Variants in ZBTB16 observed in about 807,000 individuals in gnomAD.
ZBTB16 encodes the protein zinc finger and BTB domain containing 16.
A neutral mutation model predicts 56.8 loss-of-function variants in ZBTB16; 8 were observed. That is an observed-to-expected ratio of 0.14 (90% CI 0.08 to 0.25). The LOEUF (loss-of-function observed/expected upper bound fraction) is 0.25. Among genes scored for constraint, ZBTB16 ranks in the 10% least tolerant of loss-of-function variants. The probability of loss-of-function intolerance (pLI) is 1.00; values close to 1 mark genes in which losing one functional copy is unlikely to be tolerated. For missense variants in ZBTB16, 625 were observed against 903.0 expected, an observed-to-expected ratio of 0.69 and a Z score of 3.95; for synonymous variants, 363 against 368.5, an observed-to-expected ratio of 0.98 and a Z score of 0.17.
intron 3 of ZBTB16, among the ~76,000 whole-genome samples, chr11:114,183,414 A>G (rs892593061): frequency 6.6e-6 from 1 of 151,962 alleles, no homozygotes; most frequent in Non-Finnish European, 1.5e-5. Flanking sequence ...CCGGCCCTTT[A>G]TTTCCTACCT....
chr11:114,128,534 C>T (rs1023728568), intron 2 of ZBTB16, among the ~76,000 whole-genome samples: 1 of 152,140 alleles, frequency 6.6e-6, no homozygotes, highest in Non-Finnish European at 1.5e-5. Flanking sequence ...CGGGTAAAAA[C>T]TGCGACTAGC....
Position 114,156,403 on chromosome 11 carries a change from G to C in ZBTB16, c.1335G>C (p.Leu445Phe). 2 of 1,614,234 alleles carry C rather than the reference G, an allele frequency of 1.2e-6. No homozygotes were observed. The highest frequency in any genetic ancestry group is 1.7e-6 in the Non-Finnish European group (2 of 1,180,034). The change falls in exon 3 of 7, where the codon TTG becomes TTC. Residue 445 changes from leucine (L) to phenylalanine (F), a missense_variant. Leu to Phe is a conservative substitution (Grantham distance 22). Transcript: ENST00000335953. The part of the protein sequence containing the change: ...ELCGKRFLDS[L>F]RLRMHLLAHS... ...GCGGGAAGCGGTTCCTGGATAGTTTGCGGCTGAGAATGCACTTACTGGCTC... is the reference window on the plus strand; with the variant it reads ...GCGGGAAGCGGTTCCTGGATAGTTTCCGGCTGAGAATGCACTTACTGGCTC...
At chr11:114,100,423 T>C (rs1446583950) in intron 2 of ZBTB16, among the ~76,000 whole-genome samples, 1 of 152,196 alleles carries the variant, frequency 6.6e-6, no homozygotes, top group East Asian at 1.9e-4. Flanking sequence ...AAAAATATTC[T>C]TTCCTTACCA....
intron 2 of ZBTB16, among the ~76,000 whole-genome samples, chr11:114,142,070 G>A (rs1479140864): frequency 6.6e-6 from 1 of 152,204 alleles, no homozygotes; most frequent in Non-Finnish European, 1.5e-5. Context: ...ATGAATGACT[G>A]AAAAGGCACT....
chr11:114,165,397 G>A (rs529593528), intron 3 of ZBTB16, among the ~76,000 whole-genome samples: 3 of 152,308 alleles, frequency 2.0e-5, no homozygotes, highest in Admixed American at 2.0e-4. Context: ...GCCCTTATTG[G>A]ACTTTGCTGG....
intron 2 of ZBTB16, among the ~76,000 whole-genome samples, chr11:114,146,710 A>G (rs910253154): frequency 1.3e-5 from 2 of 151,940 alleles, no homozygotes; most frequent in Admixed American, 6.6e-5. Flanking sequence ...TCAGCTGGGC[A>G]TGGTGGCTCA....
At chr11:114,243,981 A>C (rs1319245492) in intron 5 of ZBTB16, among the ~76,000 whole-genome samples, 1 of 152,206 alleles carries the variant, frequency 6.6e-6, no homozygotes, top group Non-Finnish European at 1.5e-5. Context: ...TCTAGGAAAC[A>C]CGGAGCATGT....
At chr11:114,138,878 A>G (rs372570165) in intron 2 of ZBTB16, among the ~76,000 whole-genome samples, 1 of 151,716 alleles carries the variant, frequency 6.6e-6, no homozygotes, top group African/African-American at 2.4e-5. Flanking sequence ...TTTAGTAGAG[A>G]TGGGGTTTCA....
At chr11:114,187,629 A>T (rs552289614) in intron 4 of ZBTB16, 1 of 164,716 alleles carries the variant, frequency 6.1e-6, no homozygotes, top group Admixed American at 5.8e-5. Context: ...GCTCACACTT[A>T]ACACTCACAG....
intron 4 of ZBTB16, among the ~76,000 whole-genome samples, chr11:114,197,592 A>G (rs623955): frequency 0.99 from 149,939 of 151,400 alleles, 74,247 homozygotes; most frequent in Middle Eastern, 1. Flanking sequence ...GAAGCTTCAG[A>G]GACAGTCCCT....
At chr11:114,084,825 T>C (rs1728712650) in intron 2 of ZBTB16, among the ~76,000 whole-genome samples, 1 of 152,216 alleles carries the variant, frequency 6.6e-6, no homozygotes, top group Non-Finnish European at 1.5e-5. Context: ...TTCAGGCACA[T>C]GGTCTGGTTA....
At chr11:114,244,374 C>CG (rs1211403820) in intron 5 of ZBTB16, among the ~76,000 whole-genome samples, 4 of 138,278 alleles carry the variant, frequency 2.9e-5, no homozygotes, top group African/African-American at 1.1e-4. Flanking sequence ...TTGGGGGGGG[C>CG]GGGGTCACAG....
At chr11:114,075,155 G>T (rs549784878) in intron 2 of ZBTB16, among the ~76,000 whole-genome samples, 1 of 152,042 alleles carries the variant, frequency 6.6e-6, no homozygotes, top group Non-Finnish European at 1.5e-5. Context: ...AATTTCCTGC[G>T]ATTGTTGGCT....
chr11:114,152,885 T>A (rs7102941), intron 2 of ZBTB16, among the ~76,000 whole-genome samples: 2 of 152,048 alleles, frequency 1.3e-5, no homozygotes, highest in Non-Finnish European at 2.9e-5. Flanking sequence ...CAGGACTAGA[T>A]TGGGAAGATG....
chr11:114,138,777 G>A (rs1223196650), intron 2 of ZBTB16, among the ~76,000 whole-genome samples: 8 of 151,848 alleles, frequency 5.3e-5, no homozygotes, highest in Admixed American at 5.2e-4. Flanking sequence ...TGCAACCTCT[G>A]TCTCCCGAGT....
chr11:114,151,053 G>A lies in ZBTB16; in HGVS notation c.1269-5284G>A, dbSNP rs976335043. On this transcript the variant is annotated intron_variant, in intron 2 of 6. Coordinates refer to ENST00000335953, the MANE Select transcript of ZBTB16 (RefSeq NM_006006.6). ...AGAGGATCATTTAGGTCATGGCTGG[G>A]ATCTTACAGAATCTCCCGTCTGCTT... Among the ~76,000 whole-genome samples, 6 of 152,158 alleles carry A rather than the reference G, an allele frequency of 3.9e-5. No homozygotes were observed. In the East Asian group the frequency reaches 9.7e-4, roughly 24 times the overall value.
At chr11:114,093,892 A>G (rs911886001) in intron 2 of ZBTB16, among the ~76,000 whole-genome samples, 2 of 152,234 alleles carry the variant, frequency 1.3e-5, no homozygotes, top group African/African-American at 2.4e-5. Context: ...TTTGGGTGGA[A>G]TGAAACTGAA....
chr11:114,169,604 G>A (rs1050034516), intron 3 of ZBTB16, among the ~76,000 whole-genome samples: 5 of 152,180 alleles, frequency 3.3e-5, no homozygotes, highest in African/African-American at 9.7e-5. Flanking sequence ...TTGGCAGGGT[G>A]GACAGAGGGG....
At chr11:114,155,358 TC>T (rs1942382343) in intron 2 of ZBTB16, among the ~76,000 whole-genome samples, 1 of 152,212 alleles carries the variant, frequency 6.6e-6, no homozygotes, top group Admixed American at 6.5e-5. Flanking sequence ...TTGGAGCCTC[TC>T]CCCAGTGCTC....
Sources: gnomAD v4.1 joint callset for allele counts (sites outside exome capture counted in the v4.1 genomes callset) on GRCh38, gnomAD v4.1.1 for gene constraint, MANE v1.5 for transcripts, NCBI Gene and HGNC (gene_info 2026-07-23, HGNC 2026-07-21) for gene names.